Variants in HCN1 observed in about 807,000 individuals in gnomAD.
HCN1 encodes hyperpolarization activated cyclic nucleotide gated potassium channel 1, also known as potassium/sodium hyperpolarization-activated cyclic nucleotide-gated channel 1.
HCN1 carries 13 observed loss-of-function variants against 78.9 expected under a neutral mutation model. That is an observed-to-expected ratio of 0.16 (90% CI 0.11 to 0.26). HCN1 has a LOEUF of 0.26. HCN1 is among the 10% of genes least tolerant of loss of function. The probability of loss-of-function intolerance (pLI) is 1.00; values close to 1 mark genes in which losing one functional copy is unlikely to be tolerated. For missense variants in HCN1, 810 were observed against 1,154.3 expected (o/e 0.70, Z 4.32); for synonymous variants, 552 against 455.5 (o/e 1.21, Z -2.70).
intron 3 of HCN1, among the ~76,000 whole-genome samples, chr5:45,405,110 C>G (rs1739895297): frequency 6.6e-6 from 1 of 152,080 alleles, no homozygotes; most frequent in Non-Finnish European, 1.5e-5. Flanking sequence ...AGCTAGGCTA[C>G]AGAATGTTGA....
At chr5:45,479,911 A>G (rs1171716864) in intron 2 of HCN1, among the ~76,000 whole-genome samples, 1 of 152,196 alleles carries the variant, frequency 6.6e-6, no homozygotes, top group African/African-American at 2.4e-5. Flanking sequence ...CTGGAAATCA[A>G]TGACAGAATC....
intron 3 of HCN1, among the ~76,000 whole-genome samples, chr5:45,411,543 T>C (rs925149676): frequency 6.6e-6 from 1 of 151,644 alleles, no homozygotes; most frequent in Admixed American, 6.6e-5. Flanking sequence ...TGCATTCCAC[T>C]TGAAATCATG....
At chr5:45,551,101 A>G (rs1307069493) in intron 2 of HCN1, among the ~76,000 whole-genome samples, 1 of 152,022 alleles carries the variant, frequency 6.6e-6, no homozygotes, top group African/African-American at 2.4e-5. Context: ...GATGCATATT[A>G]GCATTTTATA....
chr5:45,287,766 T>G (rs1019318836), intron 6 of HCN1, among the ~76,000 whole-genome samples: 1 of 152,012 alleles, frequency 6.6e-6, no homozygotes, highest in Non-Finnish European at 1.5e-5. Flanking sequence ...GACTAACACA[T>G]AGTCAGGAGA....
intron 4 of HCN1, among the ~76,000 whole-genome samples, chr5:45,394,826 A>G (rs1739655692): frequency 1.3e-5 from 2 of 152,040 alleles, no homozygotes; most frequent in Admixed American, 1.3e-4. Flanking sequence ...AAAAAAAGTT[A>G]TATTCTTTTA....
chr5:45,629,252 A>G (rs1745227961), intron 2 of HCN1, among the ~76,000 whole-genome samples: 1 of 152,108 alleles, frequency 6.6e-6, no homozygotes, highest in African/African-American at 2.4e-5. Flanking sequence ...TAGTATATTA[A>G]TATCCTTTTC....
At chr5:45,478,593 T>A (rs528491860) in intron 2 of HCN1, among the ~76,000 whole-genome samples, 20 of 152,178 alleles carry the variant, frequency 1.3e-4, no homozygotes, top group African/African-American at 4.6e-4. Context: ...AGAATCACAG[T>A]GAGAGAGATC....
At chr5:45,501,002 T>G (rs1221052539) in intron 2 of HCN1, among the ~76,000 whole-genome samples, 1 of 152,194 alleles carries the variant, frequency 6.6e-6, no homozygotes, top group Non-Finnish European at 1.5e-5. Context: ...TAGGAGTTAC[T>G]GTGACATAAA....
chr5:45,491,751 T>C (rs1006375703), intron 2 of HCN1, among the ~76,000 whole-genome samples: 1 of 152,112 alleles, frequency 6.6e-6, no homozygotes, highest in Non-Finnish European at 1.5e-5. Context: ...GAAGAGTGAA[T>C]GAGAAAAATA....
At chr5:45,350,606 G>A (rs1441507745) in intron 5 of HCN1, among the ~76,000 whole-genome samples, 3 of 151,410 alleles carry the variant, frequency 2.0e-5, no homozygotes, top group African/African-American at 7.3e-5. Context: ...CAGATGACAT[G>A]ATTGTATATC....
At chr5:45,631,865 G>A (rs578079090) in intron 2 of HCN1, among the ~76,000 whole-genome samples, 1 of 152,242 alleles carries the variant, frequency 6.6e-6, no homozygotes, top group Admixed American at 6.5e-5. Context: ...AATTTAAGTT[G>A]TAGTTCTTAA....
At chr5:45,579,205 A>G (rs1484374560) in intron 2 of HCN1, among the ~76,000 whole-genome samples, 1 of 152,136 alleles carries the variant, frequency 6.6e-6, no homozygotes, top group Non-Finnish European at 1.5e-5. Flanking sequence ...TCAAATTCTC[A>G]AAGTTTACAA....
At chr5:45,575,374 T>A (rs1743918541) in intron 2 of HCN1, 1 of 151,882 alleles carries the variant, frequency 6.6e-6, no homozygotes, top group Non-Finnish European at 1.5e-5. Flanking sequence ...AATTGGGAAC[T>A]GAACAATGAA....
intron 2 of HCN1, among the ~76,000 whole-genome samples, chr5:45,522,163 C>T (rs1436739847): frequency 2.6e-5 from 4 of 151,882 alleles, no homozygotes; most frequent in East Asian, 1.9e-4. Flanking sequence ...ACTTTCTTAA[C>T]AGTATTTCTA....
chr5:45,444,679 T>G (rs2111577780), intron 3 of HCN1, among the ~76,000 whole-genome samples: 1 of 152,280 alleles, frequency 6.6e-6, no homozygotes, highest in East Asian at 1.9e-4. Flanking sequence ...TATTCTTAAA[T>G]ATGAATCTAT....
intron 6 of HCN1, among the ~76,000 whole-genome samples, chr5:45,267,502 G>T (rs1257911129): frequency 6.6e-6 from 1 of 151,590 alleles, no homozygotes; most frequent in Non-Finnish European, 1.5e-5. Context: ...AGGCGCAGTG[G>T]CTCACGCCTG....
intron 3 of HCN1, among the ~76,000 whole-genome samples, chr5:45,459,543 A>T (rs1176322198): frequency 6.6e-6 from 1 of 152,044 alleles, no homozygotes; most frequent in Non-Finnish European, 1.5e-5. Context: ...ACACACATGA[A>T]CACACACATT....
chr5:45,391,947 T>C (rs765766652), intron 4 of HCN1, among the ~76,000 whole-genome samples: 8 of 151,942 alleles, frequency 5.3e-5, no homozygotes, highest in Non-Finnish European at 1.0e-4. Context: ...GTGAAAGGGG[T>C]AAAAGTATTT....
In HCN1 at chr5:45,258,762, T is replaced by C. The variant is rs1467871915; in HGVS notation, c.*3159A>G. The stretch of plus-strand genomic sequence containing the variant: ...GGCTATAAATATGAATGTATTTATA[T>C]AAACCTGTTTTGTTATAATAGAGCC... On this transcript the variant is annotated 3_prime_UTR_variant, in exon 8 of 8. Coordinates refer to ENST00000303230, the MANE Select transcript of HCN1 (RefSeq NM_021072.4). 2 of 151,940 alleles carry C rather than the reference T, an allele frequency of 1.3e-5. No homozygotes were observed. Among genetic ancestry groups the C allele is most frequent in the Non-Finnish European group, 2.9e-5 (2 of 67,912 alleles). 9.4% of individuals were successfully genotyped at this position (151,940 alleles called of 1,614,324 possible).
Sources: allele counts gnomAD v4.1 joint callset (sites outside exome capture counted in the v4.1 genomes callset), GRCh38; gene constraint gnomAD v4.1.1; transcripts MANE v1.5; gene names NCBI Gene and HGNC (gene_info 2026-07-23, HGNC 2026-07-21).